RIMS1: variants seen among roughly 807,000 people sequenced by gnomAD.
RIMS1 encodes regulating synaptic membrane exocytosis protein 1.
RIMS1 carries 83 observed loss-of-function variants against 214.1 expected under a neutral mutation model. The observed-to-expected ratio is 0.39, with a 90% CI of 0.32 to 0.47. RIMS1 has a LOEUF of 0.47. Ranked by LOEUF, RIMS1 falls within the 20% of genes least tolerant of loss-of-function variation. The pLI is 0.99. For synonymous variants in RIMS1, 793 were observed against 786.8 expected, an observed-to-expected ratio of 1.01 and a Z score of -0.13; for missense variants, 2,050 against 2,161.8, an observed-to-expected ratio of 0.95 and a Z score of 1.03.
At chr6:71,914,455 T>G (rs1777777353) in intron 1 of RIMS1, among the ~76,000 whole-genome samples, 2 of 151,952 alleles carry the variant, frequency 1.3e-5, no homozygotes, top group Non-Finnish European at 2.9e-5. Flanking sequence ...AACAAAAAGG[T>G]TAGGTTGAAT....
At chr6:72,134,031 A>C (rs1228649072) in intron 4 of RIMS1, among the ~76,000 whole-genome samples, 1 of 152,138 alleles carries the variant, frequency 6.6e-6, no homozygotes, top group Non-Finnish European at 1.5e-5. Flanking sequence ...AGTGATCAAT[A>C]ATATACATAC....
chr6:72,207,629 G>C (rs1489730624), intron 6 of RIMS1, among the ~76,000 whole-genome samples: 2 of 152,080 alleles, frequency 1.3e-5, no homozygotes, highest in Non-Finnish European at 2.9e-5. Flanking sequence ...AATGGCGTTT[G>C]AACTGACAAA....
chr6:72,072,907 G>A (rs1170965170), intron 2 of RIMS1, among the ~76,000 whole-genome samples: 1 of 152,154 alleles, frequency 6.6e-6, no homozygotes. Flanking sequence ...TATTATCAGT[G>A]AGCAAAATAG....
rs775909123 is a variant in RIMS1, at chr6:72,333,679, G to A, written c.4210G>A (p.Glu1404Lys). ...SIMKSTSVSG[E>K]MYTLEHNDGS... ...CATGAAGAGCACCAGTGTCAGTGGA[G>A]AGATGTACACACTGGAGCATAATGA... The change falls in exon 29 of 34, where the codon GAG becomes AAG. Residue 1404 changes from glutamate to lysine, a missense_variant. Physicochemically the swap from Glu to Lys is moderately conservative, Grantham distance 56. Around this residue, in one of 6 missense-constraint regions of RIMS1, gnomAD observed 889 missense variants for 885.5 expected, o/e 1.00. Coordinates refer to ENST00000521978, the MANE Select transcript of RIMS1 (RefSeq NM_014989.7). The A allele has an allele frequency of 6.3e-7, 1 of 1,595,646 alleles. No homozygotes were observed.
chr6:72,116,621 T>TG (rs2037132275), intron 4 of RIMS1, among the ~76,000 whole-genome samples: 1 of 152,026 alleles, frequency 6.6e-6, no homozygotes, highest in African/African-American at 2.4e-5. Flanking sequence ...AGTAAATATC[T>TG]TAGGCTTTGT....
At chr6:72,300,351 AT>A (rs2094493012) in intron 26 of RIMS1, among the ~76,000 whole-genome samples, 1 of 151,814 alleles carries the variant, frequency 6.6e-6, no homozygotes, top group Non-Finnish European at 1.5e-5. Context: ...TCTTTGATGT[AT>A]TTTCTCTAAA....
chr6:72,387,671 A>T (rs2789596), intron 29 of RIMS1, among the ~76,000 whole-genome samples: 65,584 of 152,120 alleles, frequency 0.43, 14,545 homozygotes, highest in Middle Eastern at 0.51. Flanking sequence ...AGGGGATAGG[A>T]AGAGAATTCT....
intron 29 of RIMS1, among the ~76,000 whole-genome samples, chr6:72,354,100 A>G (rs945290392): frequency 5.9e-5 from 9 of 152,174 alleles, no homozygotes; most frequent in Non-Finnish European, 5.9e-5. Context: ...CGTGCCTGCA[A>G]TCCCAGCTAC....
At chr6:72,223,415 C>A (rs2059152241) in intron 6 of RIMS1, among the ~76,000 whole-genome samples, 2 of 151,976 alleles carry the variant, frequency 1.3e-5, no homozygotes, top group Admixed American at 6.6e-5. Context: ...GTGTACATAT[C>A]ATTTAGTAAG....
At chr6:71,945,601 A>G (rs1276061232) in intron 1 of RIMS1, among the ~76,000 whole-genome samples, 1 of 152,172 alleles carries the variant, frequency 6.6e-6, no homozygotes, top group Non-Finnish European at 1.5e-5. Context: ...TCCTAAGATC[A>G]GAAACAAGAC....
chr6:72,395,540 G>A (rs1370148472), intron 31 of RIMS1, among the ~76,000 whole-genome samples: 1 of 152,022 alleles, frequency 6.6e-6, no homozygotes, highest in Admixed American at 6.6e-5. Context: ...CAGAGTTGAG[G>A]AGAGAATTGG....
At chr6:72,337,186 G>A (rs781196904) in intron 29 of RIMS1, among the ~76,000 whole-genome samples, 3 of 151,778 alleles carry the variant, frequency 2.0e-5, no homozygotes, top group Non-Finnish European at 4.4e-5. Context: ...TAAACTGCAG[G>A]TTGGGTTTTA....
In RIMS1 at chr6:72,251,348, G is replaced by A. The variant is rs2073207496; in HGVS notation, c.2678G>A (p.Ser893Asn). The part of the protein sequence containing the change: ...FMPRRHIHGE[S>N]SSKKLQRSQR... ...CCAAGGCGACATATTCATGGAGAAA[G>A]CTCTAGCAAAAAGCTACAAAGTAGG... The change falls in exon 15 of 34, where the codon AGC (serine) becomes AAC (asparagine). Residue 893 changes from serine to asparagine, a missense_variant. By Grantham distance (46) the Ser-to-Asn change is conservative. Around this residue, in one of 6 missense-constraint regions of RIMS1, gnomAD observed 889 missense variants for 885.5 expected, o/e 1.00. Transcript: ENST00000521978. 1.3e-6 allele frequency: 2 copies of A among 1,595,190 alleles called. No homozygotes were observed. The highest frequency in any genetic ancestry group is 1.3e-5 in the African/African-American group (1 of 74,450).
At position 71,950,382 on chromosome 6, in the gene RIMS1, A is replaced by T. The variant is rs542117972; in HGVS notation, c.165-18601A>T. On this transcript the variant is annotated intron_variant, in intron 1 of 33. Transcript: ENST00000521978. ...TATAGATTTTACCTTAATCTGAAAAAAAAAGCAGTTATAATGGAAACCTCT... is the reference window on the plus strand; with the variant it reads ...TATAGATTTTACCTTAATCTGAAAATAAAAGCAGTTATAATGGAAACCTCT... 3.3e-5 allele frequency among the ~76,000 whole-genome samples: 5 copies of T among 152,278 alleles called. No homozygotes were observed. In the East Asian group the frequency reaches 5.8e-4, roughly 18 times the overall value.
chr6:71,984,693 T>C (rs1799393549), intron 2 of RIMS1, among the ~76,000 whole-genome samples: 1 of 152,164 alleles, frequency 6.6e-6, no homozygotes, highest in African/African-American at 2.4e-5. Flanking sequence ...ACATTGTAAG[T>C]TGAGTCCTGT....
chr6:71,984,773 ATATCTATC>A (rs70994108), intron 2 of RIMS1, among the ~76,000 whole-genome samples: 24,521 of 146,476 alleles, frequency 0.17, 2,157 homozygotes, highest in East Asian at 0.3. Flanking sequence ...ATGTATGTAC[ATATCTATC>A]TATCTATCTA....
chr6:72,128,148 T>C (rs2039888587), intron 4 of RIMS1, among the ~76,000 whole-genome samples: 1 of 152,196 alleles, frequency 6.6e-6, no homozygotes, highest in Non-Finnish European at 1.5e-5. Flanking sequence ...AGGGGCGCTA[T>C]CTTCCTGGAT....
At chr6:72,374,192 C>T (rs748433029) in intron 29 of RIMS1, among the ~76,000 whole-genome samples, 4 of 152,174 alleles carry the variant, frequency 2.6e-5, no homozygotes, top group Non-Finnish European at 4.4e-5. Context: ...GGATTACAGG[C>T]GTGAGCCACT....
intron 29 of RIMS1, among the ~76,000 whole-genome samples, chr6:72,385,727 G>A (rs528066677): frequency 1.3e-5 from 2 of 152,166 alleles, no homozygotes; most frequent in African/African-American, 2.4e-5. Context: ...AGGGCCGAAC[G>A]AATTTGTTGC....
Sources: allele counts gnomAD v4.1 joint callset (sites outside exome capture counted in the v4.1 genomes callset), GRCh38; gene constraint gnomAD v4.1.1; regional missense constraint gnomAD v4.1.1; transcripts MANE v1.5; gene names NCBI Gene and HGNC (gene_info 2026-07-23, HGNC 2026-07-21).